ESRRB: variants seen among roughly 807,000 people sequenced by gnomAD.
ESRRB encodes estrogen related receptor beta, also known as steroid hormone receptor ERR2.
In ESRRB, 16 loss-of-function variants were observed where a neutral mutation model predicts 46.0. The ratio of observed to expected loss-of-function variants is 0.35; its 90% confidence interval spans 0.24 to 0.53. The LOEUF (loss-of-function observed/expected upper bound fraction) is 0.53, where lower values mean the gene tolerates loss of function less well. Ranked by LOEUF, ESRRB falls within the 20% of genes least tolerant of loss-of-function variation. The pLI is 0.93. For missense variants in ESRRB, 488 were observed against 607.4 expected (o/e 0.80, Z 2.07); for synonymous variants, 246 against 259.6 (o/e 0.95, Z 0.50).
chr14:76,468,474 GC>G (rs1276291105), intron 3 of ESRRB, among the ~76,000 whole-genome samples: 1 of 141,518 alleles, frequency 7.1e-6, no homozygotes, highest in East Asian at 2.1e-4. Context: ...GCACCCTGAA[GC>G]CTTTGGGCCA....
chr14:76,362,240 G>C (rs1359788699), intron 1 of ESRRB, among the ~76,000 whole-genome samples: 4 of 152,218 alleles, frequency 2.6e-5, no homozygotes, highest in Non-Finnish European at 5.9e-5. Flanking sequence ...CCATTTTAGA[G>C]ACTGTGGAAA....
chr14:76,357,820 C>A (rs976972600), intron 1 of ESRRB, among the ~76,000 whole-genome samples: 3 of 151,962 alleles, frequency 2.0e-5, no homozygotes, highest in African/African-American at 7.3e-5. Flanking sequence ...AAGCTGGGAT[C>A]GTTTTAAATA....
chr14:76,438,184 A>C (rs945464785), intron 1 of ESRRB, among the ~76,000 whole-genome samples: 1 of 152,142 alleles, frequency 6.6e-6, no homozygotes, highest in African/African-American at 2.4e-5. Flanking sequence ...AGCCTGGACC[A>C]GTGGCAAAAC....
At chr14:76,489,643 G>A (rs568724396) in intron 5 of ESRRB, among the ~76,000 whole-genome samples, 19 of 152,290 alleles carry the variant, frequency 1.2e-4, no homozygotes, top group African/African-American at 4.3e-4. Flanking sequence ...TGGGAACTGT[G>A]ATAATTCACT....
chr14:76,376,481 CCTT>C lies in ESRRB; in HGVS notation c.50+33_50+35del. 8.1e-7 allele frequency: 1 copy of C among 1,228,738 alleles called. No individual in the cohort carries two copies. The highest frequency in any genetic ancestry group is 1.0e-6 in the Non-Finnish European group (1 of 985,210). The allele number at this position is 1,228,738 out of a possible 1,614,324, so 76.1% of individuals were successfully genotyped here. ...GTGCCCTGCTTCTCGGTCTGTCTGT[CCTT>C]CTGCCCGTCTGGCAGTCTCTGTCCT... On this transcript the variant is annotated intron_variant, in intron 1 of 6. Transcript: ENST00000644823. The surrounding 1 kb of genome is among the most constrained non-coding windows in gnomAD (Gnocchi z 4.1).
At chr14:76,408,008 A>G (rs1886262988) in intron 1 of ESRRB, among the ~76,000 whole-genome samples, 1 of 152,166 alleles carries the variant, frequency 6.6e-6, no homozygotes, top group Admixed American at 6.5e-5. Flanking sequence ...CTCAGGTCAC[A>G]TAGGCACTGG....
chr14:76,360,935 G>C (rs1884455188), intron 1 of ESRRB, among the ~76,000 whole-genome samples: 1 of 152,190 alleles, frequency 6.6e-6, no homozygotes, highest in African/African-American at 2.4e-5. Context: ...TTCTGCCTCT[G>C]ACTGTGAGCT....
At chr14:76,380,830 G>A (rs1359554144) in intron 1 of ESRRB, among the ~76,000 whole-genome samples, 1 of 152,204 alleles carries the variant, frequency 6.6e-6, no homozygotes, top group African/African-American at 2.4e-5. Flanking sequence ...CCAGTGCAGG[G>A]TCTAAGGAAG....
intron 1 of ESRRB, among the ~76,000 whole-genome samples, chr14:76,358,271 C>A (rs1487112246): frequency 6.9e-6 from 1 of 144,864 alleles, no homozygotes; most frequent in Non-Finnish European, 1.5e-5. Context: ...AAGATTGCGC[C>A]ACTGCACTCC....
intron 1 of ESRRB, among the ~76,000 whole-genome samples, chr14:76,365,383 G>A (rs1035748934): frequency 6.6e-6 from 1 of 152,226 alleles, no homozygotes; most frequent in Non-Finnish European, 1.5e-5. Context: ...GGAGGCTGAG[G>A]TGGGAAGATC....
intron 1 of ESRRB, among the ~76,000 whole-genome samples, chr14:76,394,921 A>G (rs1374406158): frequency 6.6e-6 from 1 of 152,166 alleles, no homozygotes; most frequent in Non-Finnish European, 1.5e-5. Context: ...ATTAAAAGAT[A>G]AAAATAATTT....
chr14:76,370,224 C>CT (rs1555390960), upstream of ESRRB, among the ~76,000 whole-genome samples: 1 of 85,250 alleles, frequency 1.2e-5, no homozygotes, highest in African/African-American at 4.0e-5. Flanking sequence ...CCCATCCCTG[C>CT]TAAAAAAAAA....
chr14:76,384,626 G>C (rs1240337177), intron 1 of ESRRB, among the ~76,000 whole-genome samples: 1 of 152,144 alleles, frequency 6.6e-6, no homozygotes, highest in Non-Finnish European at 1.5e-5. Flanking sequence ...GCTGTGCCAA[G>C]TTTGACCCCA....
At chr14:76,449,073 G>A (rs778234829) in intron 2 of ESRRB, among the ~76,000 whole-genome samples, 2 of 151,976 alleles carry the variant, frequency 1.3e-5, no homozygotes, top group African/African-American at 2.4e-5. Flanking sequence ...GAATGTATGC[G>A]CTGCTATCCC....
chr14:76,374,840 A>T (rs1013735852), upstream of ESRRB, among the ~76,000 whole-genome samples: 2 of 152,174 alleles, frequency 1.3e-5, no homozygotes, highest in Non-Finnish European at 2.9e-5. Context: ...ACTTCAGCAC[A>T]TATGAAAAAT....
At chr14:76,430,658 C>G (rs903885286) in intron 1 of ESRRB, among the ~76,000 whole-genome samples, 5 of 152,178 alleles carry the variant, frequency 3.3e-5, no homozygotes, top group African/African-American at 4.8e-5. Context: ...GTGATTGAGC[C>G]CATTTTACAG....
chr14:76,316,270 C>T (rs763815448), intron 1 of ESRRB, among the ~76,000 whole-genome samples: 1 of 152,176 alleles, frequency 6.6e-6, no homozygotes, highest in Non-Finnish European at 1.5e-5. Flanking sequence ...ACTCACGATG[C>T]GGCCAGGCAA....
At chr14:76,329,434 T>TGTGCACAGCAGAAAG (rs1883975992) in intron 1 of ESRRB, among the ~76,000 whole-genome samples, 1 of 152,152 alleles carries the variant, frequency 6.6e-6, no homozygotes, top group Non-Finnish European at 1.5e-5. Context: ...TGGAAACAGC[T>TGTGCACAGCAGAAAG]GTGCACAGCA....
intron 2 of ESRRB, among the ~76,000 whole-genome samples, chr14:76,448,231 C>T (rs540035336): frequency 2.0e-5 from 3 of 152,010 alleles, no homozygotes; most frequent in Non-Finnish European, 4.4e-5. Flanking sequence ...TCGCCCATCA[C>T]GCCACCCTTC....
Sources: gnomAD v4.1 joint callset for allele counts (sites outside exome capture counted in the v4.1 genomes callset) on GRCh38, gnomAD v4.1.1 for gene constraint, Gnocchi (gnomAD v3.1) non-coding constraint, MANE v1.5 for transcripts, NCBI Gene and HGNC (gene_info 2026-07-23, HGNC 2026-07-21) for gene names.